The following DLGAP1 variants were observed in gnomAD, a reference collection of about 807,000 sequenced individuals.
The protein encoded by DLGAP1 is DLG associated protein 1.
In DLGAP1, 11 loss-of-function variants were observed where a neutral mutation model predicts 90.8. That is an observed-to-expected ratio of 0.12 (90% confidence interval 0.08 to 0.20). DLGAP1 has a LOEUF of 0.20. DLGAP1 is among the 10% of genes least tolerant of loss of function. The probability of loss-of-function intolerance (pLI) is 1.00; values close to 1 mark genes in which losing one functional copy is unlikely to be tolerated. For missense variants in DLGAP1, 1,050 were observed against 1,333.8 expected (o/e 0.79, Z 3.31); for synonymous variants, 558 against 540.7 (o/e 1.03, Z -0.44).
chr18:4,091,758 G>A (rs1397323583), intron 2 of DLGAP1, among the ~76,000 whole-genome samples: 2 of 152,070 alleles, frequency 1.3e-5, no homozygotes, highest in East Asian at 3.9e-4. Context: ...TTCCGTATCT[G>A]TTCAGGACTG....
intron 7 of DLGAP1, among the ~76,000 whole-genome samples, chr18:3,638,245 C>A (rs2058796077): frequency 7.8e-6 from 1 of 127,418 alleles, no homozygotes; most frequent in Non-Finnish European, 1.6e-5. Flanking sequence ...CCGTGCCCGG[C>A]CCTTTTTTTT....
At chr18:4,381,483 A>G (rs1419561444) in intron 1 of DLGAP1, among the ~76,000 whole-genome samples, 2 of 151,224 alleles carry the variant, frequency 1.3e-5, no homozygotes, top group African/African-American at 2.4e-5. Flanking sequence ...AAAAGTATCT[A>G]GATGGGTATC....
chr18:4,214,879 A>AT (rs1364715724), intron 1 of DLGAP1, among the ~76,000 whole-genome samples: 1 of 152,068 alleles, frequency 6.6e-6, no homozygotes, highest in Non-Finnish European at 1.5e-5. Flanking sequence ...AAACACCAGA[A>AT]TTTTTTCCTT....
intron 6 of DLGAP1, among the ~76,000 whole-genome samples, chr18:3,741,162 T>C (rs1172751534): frequency 0.025 from 809 of 32,428 alleles, 1 homozygote; most frequent in Non-Finnish European, 0.033. Context: ...ACCACCACCA[T>C]CACCACCACA....
chr18:3,516,884 TG>T (rs1418592624), intron 10 of DLGAP1, among the ~76,000 whole-genome samples: 4 of 152,200 alleles, frequency 2.6e-5, no homozygotes, highest in African/African-American at 9.6e-5. Context: ...GAGATTTGGA[TG>T]GGGACACAGC....
intron 1 of DLGAP1, among the ~76,000 whole-genome samples, chr18:4,317,880 T>C (rs1295510552): frequency 1.3e-5 from 2 of 152,228 alleles, no homozygotes; most frequent in African/African-American, 4.8e-5. Context: ...AGAATCTCAC[T>C]CTGTCGGCCA....
chr18:4,129,400 C>G (rs1020080266), intron 2 of DLGAP1, among the ~76,000 whole-genome samples: 1 of 152,090 alleles, frequency 6.6e-6, no homozygotes, highest in Non-Finnish European at 1.5e-5. Flanking sequence ...TCAGCATTGT[C>G]TTTTCATTAA....
intron 2 of DLGAP1, among the ~76,000 whole-genome samples, chr18:4,129,238 T>C (rs77307008): frequency 0.026 from 4,013 of 151,494 alleles, 155 homozygotes; most frequent in South Asian, 0.082. Context: ...AACGTAATGA[T>C]ATTTGGCAAT....
intron 3 of DLGAP1, among the ~76,000 whole-genome samples, chr18:3,946,404 G>C (rs1390140832): frequency 6.6e-6 from 1 of 152,030 alleles, no homozygotes; most frequent in Non-Finnish European, 1.5e-5. Flanking sequence ...TCAATGGTAT[G>C]GTTTTCATAA....
intron 8 of DLGAP1, among the ~76,000 whole-genome samples, chr18:3,579,863 T>C (rs1212653728): frequency 6.6e-6 from 1 of 152,178 alleles, no homozygotes; most frequent in Non-Finnish European, 1.5e-5. Flanking sequence ...GTGTTATTGC[T>C]TTCCACACTG....
At chr18:3,846,979 G>A (rs2069051764) in intron 4 of DLGAP1, among the ~76,000 whole-genome samples, 1 of 152,118 alleles carries the variant, frequency 6.6e-6, no homozygotes, top group South Asian at 2.1e-4. Flanking sequence ...GCATTACATT[G>A]ATTTGTGAAT....
chr18:3,944,654 C>CCT (rs1296161959), intron 3 of DLGAP1, among the ~76,000 whole-genome samples: 7 of 152,248 alleles, frequency 4.6e-5, no homozygotes, highest in Non-Finnish European at 1.0e-4. Context: ...GAACCATGCT[C>CCT]ATCCCTGGGT....
intron 9 of DLGAP1, among the ~76,000 whole-genome samples, chr18:3,540,944 T>C (rs557423024): frequency 1.3e-5 from 2 of 152,308 alleles, no homozygotes; most frequent in Admixed American, 1.3e-4. Context: ...TAGCACCAGC[T>C]GGGCAGGTGC....
At chr18:4,340,732 C>T (rs765791756) in intron 1 of DLGAP1, among the ~76,000 whole-genome samples, 22 of 152,190 alleles carry the variant, frequency 1.4e-4, no homozygotes, top group Non-Finnish European at 2.9e-4. Context: ...CTCTCACAAA[C>T]AGATTTAGTT....
intron 1 of DLGAP1, among the ~76,000 whole-genome samples, chr18:4,301,270 C>T (rs559810306): frequency 6.6e-6 from 1 of 152,254 alleles, no homozygotes; most frequent in African/African-American, 2.4e-5. Context: ...GCTTTGTGCC[C>T]TTTGACCACC....
chr18:3,957,527 T>C (rs902772715), intron 3 of DLGAP1, among the ~76,000 whole-genome samples: 19 of 152,244 alleles, frequency 1.2e-4, no homozygotes, highest in African/African-American at 3.9e-4. Context: ...ATTAACCACA[T>C]AGATTTTACA....
At chr18:3,944,082 G>A (rs943814683) in intron 3 of DLGAP1, among the ~76,000 whole-genome samples, 9 of 152,222 alleles carry the variant, frequency 5.9e-5, no homozygotes, top group South Asian at 2.1e-4. Context: ...CCAGTCTCTC[G>A]TGCACATTTC....
intron 1 of DLGAP1, among the ~76,000 whole-genome samples, chr18:4,359,235 T>C (rs113329382): frequency 2.4e-4 from 37 of 152,314 alleles, no homozygotes; most frequent in African/African-American, 8.7e-4. Context: ...AGAAGTGGGA[T>C]GATCTCTCTG....
At chr18:3,583,699 G>A (rs775455971) in intron 7 of DLGAP1, among the ~76,000 whole-genome samples, 1 of 152,208 alleles carries the variant, frequency 6.6e-6, no homozygotes, top group African/African-American at 2.4e-5. Context: ...TGTAATCCCA[G>A]CACTTTGGGA....
Sources: gnomAD v4.1 joint callset for allele counts (sites outside exome capture counted in the v4.1 genomes callset) on GRCh38, gnomAD v4.1.1 for gene constraint, MANE v1.5 for transcripts, NCBI Gene and HGNC (gene_info 2026-07-23, HGNC 2026-07-21) for gene names.